Variants in CRTC1 observed in about 807,000 individuals in gnomAD.
The protein encoded by CRTC1 is CREB-regulated transcription coactivator 1.
In CRTC1, 18 loss-of-function variants were observed where a neutral mutation model predicts 66.1. The observed-to-expected ratio is 0.27, with a 90% CI of 0.19 to 0.40. The LOEUF (loss-of-function observed/expected upper bound fraction) is 0.40, where lower values mean the gene tolerates loss of function less well. Among genes scored for constraint, CRTC1 ranks in the 10% least tolerant of loss-of-function variants. The pLI is 1.00. For synonymous variants in CRTC1, 416 were observed against 398.8 expected (o/e 1.04, Z -0.51); for missense variants, 669 against 887.9 (o/e 0.75, Z 3.13).
chr19:18,697,403 G>A (rs915562908), intron 1 of CRTC1, among the ~76,000 whole-genome samples: 4 of 152,078 alleles, frequency 2.6e-5, no homozygotes, highest in Admixed American at 6.6e-5. Context: ...TCTGCCTCTC[G>A]TGTTCAAGCG....
intron 6 of CRTC1, among the ~76,000 whole-genome samples, chr19:18,759,327 C>T (rs1321633114): frequency 6.6e-6 from 1 of 152,248 alleles, no homozygotes; most frequent in Non-Finnish European, 1.5e-5. Flanking sequence ...CCTCTCTGTG[C>T]AACTCTTGGC....
intron 1 of CRTC1, among the ~76,000 whole-genome samples, chr19:18,710,698 G>A (rs1443530918): frequency 2.0e-5 from 3 of 151,828 alleles, no homozygotes; most frequent in African/African-American, 4.8e-5. Context: ...TGCAACCTCC[G>A]CCTCCTGGGT....
At chr19:18,730,278 C>T (rs1600866094) in intron 1 of CRTC1, among the ~76,000 whole-genome samples, 1 of 152,084 alleles carries the variant, frequency 6.6e-6, no homozygotes, top group Non-Finnish European at 1.5e-5. Flanking sequence ...CACTCAGGGT[C>T]CCTCCTGCCT....
chr19:18,726,041 C>G (rs966728857), intron 1 of CRTC1, among the ~76,000 whole-genome samples: 16 of 152,234 alleles, frequency 1.1e-4, no homozygotes, highest in Non-Finnish European at 1.6e-4. Context: ...CCTCGATCTT[C>G]TCTGGAGTTG....
intron 1 of CRTC1, among the ~76,000 whole-genome samples, chr19:18,704,710 TCAAAAACAAAC>T (rs2053222083): frequency 6.6e-6 from 1 of 152,080 alleles, no homozygotes; most frequent in Non-Finnish European, 1.5e-5. Context: ...AGACCCTGTC[TCAAAAACAAAC>T]CAAAAACAAA....
intron 1 of CRTC1, among the ~76,000 whole-genome samples, chr19:18,710,165 C>G (rs942542048): frequency 2.0e-5 from 3 of 152,160 alleles, no homozygotes; most frequent in Admixed American, 6.5e-5. Context: ...ACCTTCCCCC[C>G]ACCCCATTTC....
intron 1 of CRTC1, among the ~76,000 whole-genome samples, chr19:18,728,303 A>G (rs2053806291): frequency 6.6e-6 from 1 of 152,168 alleles, no homozygotes; most frequent in African/African-American, 2.4e-5. Context: ...ATTGTACATT[A>G]GCCTCATTTG....
intron 8 of CRTC1, among the ~76,000 whole-genome samples, chr19:18,761,583 T>TC (rs1018381627): frequency 6.6e-5 from 10 of 151,774 alleles, no homozygotes; most frequent in Non-Finnish European, 1.2e-4. Flanking sequence ...ACTGGCGGAG[T>TC]CCCCCTGGCT....
chr19:18,688,595 C>T (rs1036420202), intron 1 of CRTC1, among the ~76,000 whole-genome samples: 12 of 152,036 alleles, frequency 7.9e-5, no homozygotes, highest in African/African-American at 1.5e-4. Context: ...TGCACCACCA[C>T]GCCTGAGTAA....
At chr19:18,695,034 C>A (rs368010057) in intron 1 of CRTC1, among the ~76,000 whole-genome samples, 1 of 152,140 alleles carries the variant, frequency 6.6e-6, no homozygotes, top group South Asian at 2.1e-4. Context: ...CCATGCCCAG[C>A]CAATTTTTGT....
chr19:18,764,201 T>A (rs1024959141), intron 8 of CRTC1, among the ~76,000 whole-genome samples: 2 of 152,192 alleles, frequency 1.3e-5, no homozygotes, highest in African/African-American at 4.8e-5. Flanking sequence ...GCACCCGCCG[T>A]CTCATCTGCC....
In CRTC1 at chr19:18,777,393, C is replaced by T. The variant is rs748808177; in HGVS notation, c.*11C>T. On this transcript the variant is annotated 3_prime_UTR_variant, in exon 14 of 14. Transcript: ENST00000321949. The surrounding 1 kb of genome is among the most constrained non-coding windows in gnomAD (Gnocchi z 5.5). ...ATGGACCGCCTGTGAGCGGGCACGCCGGCACCCTGCCGCTCAGCCGTCCCG... is the reference window on the plus strand; with the variant it reads ...ATGGACCGCCTGTGAGCGGGCACGCTGGCACCCTGCCGCTCAGCCGTCCCG... The T allele has an allele frequency of 2.9e-5, 46 of 1,599,484 alleles. No homozygotes were observed. In the East Asian group the frequency reaches 3.1e-4, roughly 11 times the overall value.
intron 9 of CRTC1, among the ~76,000 whole-genome samples, chr19:18,766,123 C>A (rs1568536344): frequency 1.3e-5 from 2 of 149,804 alleles, no homozygotes; most frequent in African/African-American, 2.5e-5. Flanking sequence ...CTTTTGTAAT[C>A]CTTTTTTTTT....
intron 1 of CRTC1, among the ~76,000 whole-genome samples, chr19:18,703,650 A>G (rs2053198292): frequency 6.6e-6 from 1 of 151,914 alleles, no homozygotes; most frequent in Non-Finnish European, 1.5e-5. Context: ...TTTAGTAGAG[A>G]TGGTGTTTCG....
At chr19:18,747,175 T>A in intron 4 of CRTC1, 61 bp downstream of exon 4, 1 of 1,119,114 alleles carries the variant, frequency 8.9e-7, no homozygotes, top group Non-Finnish European at 1.3e-6. Context: ...CAAACTCTCA[T>A]CATGGTTACA....
chr19:18,754,184 A>G (rs1473745268), intron 6 of CRTC1, among the ~76,000 whole-genome samples: 1 of 151,918 alleles, frequency 6.6e-6, no homozygotes, highest in Non-Finnish European at 1.5e-5. Context: ...CTCCTCCCCT[A>G]TGGGAAAGTG....
At chr19:18,737,751 C>T (rs575006372) in intron 1 of CRTC1, among the ~76,000 whole-genome samples, 1 of 152,052 alleles carries the variant, frequency 6.6e-6, no homozygotes, top group South Asian at 2.1e-4. Context: ...TCCTCCTCCT[C>T]CTCCTCCTCC....
At chr19:18,733,124 C>T (rs80072616) in intron 1 of CRTC1, among the ~76,000 whole-genome samples, 5,356 of 152,140 alleles carry the variant, frequency 0.035, 132 homozygotes, top group South Asian at 0.048. Context: ...ACAGCCCTCC[C>T]GGCTGGGGAA....
At chr19:18,727,121 G>T (rs546922001) in intron 1 of CRTC1, among the ~76,000 whole-genome samples, 4 of 152,114 alleles carry the variant, frequency 2.6e-5, no homozygotes, top group African/African-American at 9.6e-5. Context: ...TTGGTGGTGT[G>T]CTCCTGTAGT....
Sources: gnomAD v4.1 joint callset for allele counts (sites outside exome capture counted in the v4.1 genomes callset) on GRCh38, gnomAD v4.1.1 for gene constraint, Gnocchi (gnomAD v3.1) non-coding constraint, MANE v1.5 for transcripts, NCBI Gene and HGNC (gene_info 2026-07-23, HGNC 2026-07-21) for gene names.